Variants in RBFOX1 observed in about 807,000 individuals in gnomAD.
The protein encoded by RBFOX1 is RNA binding protein fox-1 homolog 1.
A neutral mutation model predicts 57.7 loss-of-function variants in RBFOX1; 8 were observed. The ratio of observed to expected loss-of-function variants is 0.14; its 90% CI spans 0.08 to 0.25. RBFOX1 has a LOEUF of 0.25. Ranked by LOEUF, RBFOX1 falls within the 10% of genes least tolerant of loss-of-function variation. RBFOX1 has a pLI of 1.00. For synonymous variants in RBFOX1, 326 were observed against 222.4 expected (o/e 1.47, Z -4.15); for missense variants, 611 against 548.5 (o/e 1.11, Z -1.14).
intron 1 of RBFOX1, chr16:5,366,485 C>A: frequency 2.3e-6 from 1 of 432,806 alleles, no homozygotes; most frequent in Non-Finnish European, 4.4e-6. Flanking sequence ...GGGCAAGAAT[C>A]CTTCAAGAAA....
chr16:6,199,439 A>T (rs2097201263), intron 1 of RBFOX1, among the ~76,000 whole-genome samples: 1 of 152,194 alleles, frequency 6.6e-6, no homozygotes, highest in African/African-American at 2.4e-5. Flanking sequence ...TTCTGAGTTT[A>T]AATTGTGTCT....
chr16:7,647,834 T>C (rs559257855), intron 11 of RBFOX1, among the ~76,000 whole-genome samples: 2 of 152,290 alleles, frequency 1.3e-5, no homozygotes, highest in East Asian at 3.9e-4. Flanking sequence ...CATGTCTGGA[T>C]CCAGACATCT....
intron 2 of RBFOX1, among the ~76,000 whole-genome samples, chr16:6,335,195 G>A (rs928996429): frequency 6.6e-6 from 1 of 152,176 alleles, no homozygotes; most frequent in Non-Finnish European, 1.5e-5. Flanking sequence ...TGTTAGACAC[G>A]TAAGGCAGAC....
rs113276199 is a variant in RBFOX1, at chr16:5,458,284, T to C, written c.220-8932T>C. On this transcript the variant is annotated intron_variant, in intron 1 of 2. Transcript: ENST00000585867. ...GTGCTGCATGTAGTCATTTTCTATG[T>C]CATCGATGAATCAATGATTTATTAG... Among the ~76,000 whole-genome samples, 382 of 152,232 alleles carry C rather than the reference T, an allele frequency of 2.5e-3. 1 individual carries two copies. Among genetic ancestry groups the C allele is most frequent in the African/African-American group, 8.6e-3 (356 of 41,518 alleles).
intron 1 of RBFOX1, among the ~76,000 whole-genome samples, chr16:6,155,866 T>C (rs1303856196): frequency 6.6e-6 from 1 of 152,206 alleles, no homozygotes; most frequent in Non-Finnish European, 1.5e-5. Flanking sequence ...ACTTTTTAAT[T>C]ATGTCTTTTG....
At chr16:5,951,796 A>G (rs1050843282) in intron 4 of RBFOX1, among the ~76,000 whole-genome samples, 1 of 151,446 alleles carries the variant, frequency 6.6e-6, no homozygotes, top group African/African-American at 2.4e-5. Flanking sequence ...TTAAAAGTTA[A>G]AAGTTAAAGT....
chr16:5,711,587 A>G (rs1345554523), intron 3 of RBFOX1, among the ~76,000 whole-genome samples: 2 of 152,202 alleles, frequency 1.3e-5, no homozygotes, highest in Admixed American at 1.3e-4. Flanking sequence ...GGCCGTGGTC[A>G]TAGGGAGCCT....
chr16:7,225,557 T>C (rs1177673975), intron 4 of RBFOX1, among the ~76,000 whole-genome samples: 4 of 151,900 alleles, frequency 2.6e-5, no homozygotes, highest in African/African-American at 9.7e-5. Context: ...TATTGCATCA[T>C]GAAAGTAGAC....
chr16:7,001,232 T>C (rs1305950552), intron 3 of RBFOX1, among the ~76,000 whole-genome samples: 1 of 152,068 alleles, frequency 6.6e-6, no homozygotes, highest in Non-Finnish European at 1.5e-5. Context: ...TGTTGGCCAG[T>C]GGGAATGTCT....
intron 3 of RBFOX1, among the ~76,000 whole-genome samples, chr16:7,021,596 TTTTA>T (rs971269952): frequency 2.9e-5 from 4 of 139,964 alleles, no homozygotes; most frequent in African/African-American, 1.1e-4. Context: ...AAGTAAAATA[TTTTA>T]TTTTTTATAA....
At chr16:6,379,551 A>G (rs943728986) in intron 2 of RBFOX1, among the ~76,000 whole-genome samples, 2 of 152,288 alleles carry the variant, frequency 1.3e-5, no homozygotes, top group Admixed American at 6.5e-5. Context: ...GGGTAGAAAG[A>G]AAAACCGGGG....
intron 3 of RBFOX1, among the ~76,000 whole-genome samples, chr16:6,855,293 A>C (rs1012129318): frequency 2.6e-5 from 4 of 152,138 alleles, no homozygotes; most frequent in African/African-American, 9.7e-5. Flanking sequence ...TCTAGTATAC[A>C]GGTCTGAGAT....
At chr16:7,598,193 T>C (rs569727930) in intron 9 of RBFOX1, among the ~76,000 whole-genome samples, 22 of 152,232 alleles carry the variant, frequency 1.4e-4, no homozygotes, top group African/African-American at 5.1e-4. Flanking sequence ...TACCAAAAAT[T>C]AAAGCAATGC....
chr16:5,278,987 A>G (rs2151142706), intron 1 of RBFOX1, among the ~76,000 whole-genome samples: 1 of 152,246 alleles, frequency 6.6e-6, no homozygotes, highest in East Asian at 1.9e-4. Flanking sequence ...TTTGGTTACT[A>G]TAGCTTTGCA....
At chr16:7,203,043 C>G (rs112923733) in intron 4 of RBFOX1, among the ~76,000 whole-genome samples, 2,294 of 152,272 alleles carry the variant, frequency 0.015, 69 homozygotes, top group African/African-American at 0.052. Context: ...GCCTCGGCCT[C>G]CCAAAGTGCT....
At chr16:5,685,077 T>C (rs894412196) in intron 3 of RBFOX1, among the ~76,000 whole-genome samples, 13 of 152,200 alleles carry the variant, frequency 8.5e-5, no homozygotes, top group African/African-American at 3.1e-4. Context: ...GATGAATTGG[T>C]CTCATAAGCA....
intron 2 of RBFOX1, among the ~76,000 whole-genome samples, chr16:6,342,027 T>C (rs1328366444): frequency 6.6e-6 from 1 of 152,300 alleles, no homozygotes; most frequent in Non-Finnish European, 1.5e-5. Context: ...TTCCAGGAAG[T>C]AGCATGTGGA....
At chr16:6,997,443 A>G (rs946593228) in intron 3 of RBFOX1, among the ~76,000 whole-genome samples, 1 of 152,178 alleles carries the variant, frequency 6.6e-6, no homozygotes, top group Non-Finnish European at 1.5e-5. Context: ...ATTTATATCC[A>G]CGAGCATTGC....
chr16:7,372,589 G>A (rs925865624), intron 4 of RBFOX1, among the ~76,000 whole-genome samples: 17 of 152,262 alleles, frequency 1.1e-4, no homozygotes, highest in African/African-American at 3.8e-4. Flanking sequence ...TTAGGAAGAA[G>A]GAGTTTCAGA....
Sources: gnomAD v4.1 joint callset for allele counts (sites outside exome capture counted in the v4.1 genomes callset) on GRCh38, gnomAD v4.1.1 for gene constraint, MANE v1.5 for transcripts, NCBI Gene and HGNC (gene_info 2026-07-23, HGNC 2026-07-21) for gene names.